EXOC3L4: variants seen among roughly 807,000 people sequenced by gnomAD.
EXOC3L4 encodes the protein exocyst complex component 3 like 4, also known as exocyst complex component 3-like protein 4.
A neutral mutation model predicts 69.7 loss-of-function variants in EXOC3L4; 62 were observed. The ratio of observed to expected loss-of-function variants is 0.89; its 90% confidence interval spans 0.72 to 1.10. The LOEUF is 1.10. EXOC3L4 is among the 50% of genes least tolerant of loss of function. The probability of loss-of-function intolerance (pLI) is 0.00; values close to 1 mark genes in which losing one functional copy is unlikely to be tolerated. For synonymous variants in EXOC3L4, 502 were observed against 464.2 expected, an observed-to-expected ratio of 1.08 and a Z score of -1.05; for missense variants, 1,087 against 1,034.8, an observed-to-expected ratio of 1.05 and a Z score of -0.69.
At chr14:103,107,806 T>A in intron 10 of EXOC3L4, 23 bp downstream of exon 10, 3 of 1,490,588 alleles carry the variant, frequency 2.0e-6, no homozygotes, top group South Asian at 2.6e-5. Context: ...TGACTGCCCT[T>A]CGGTGCTCGC....
chr14:103,106,279 G>C (rs1202587544), intron 7 of EXOC3L4, among the ~76,000 whole-genome samples: 1 of 152,218 alleles, frequency 6.6e-6, no homozygotes, highest in Non-Finnish European at 1.5e-5. Context: ...TCTGTGCCAG[G>C]CTTGTCCTTG....
At position 103,104,007 on chromosome 14, in the gene EXOC3L4, G is replaced by C; in HGVS notation, c.1116G>C (p.Pro372=). The change falls in exon 4 of 12, where the codon CCG becomes CCC. Residue 372 remains proline, a synonymous_variant. Coordinates refer to ENST00000688303, the MANE Select transcript of EXOC3L4 (RefSeq NM_001077594.2). The part of the protein sequence containing the change: ...PAEPLPPLLA[P]DVWARLESDY... ...AGCCGCTGCCTCCGCTCCTGGCGCC[G>C]GACGTGTGGGCCCGACTGGAGAGCG... The C allele has an allele frequency of 1.3e-6, 2 of 1,577,714 alleles. No individual in the cohort carries two copies. Among genetic ancestry groups the C allele is most frequent in the Non-Finnish European group, 1.7e-6 (2 of 1,166,868 alleles).
intron 1 of EXOC3L4, among the ~76,000 whole-genome samples, chr14:103,099,765 TG>T (rs1207269611): frequency 6.7e-6 from 1 of 149,566 alleles, no homozygotes; most frequent in East Asian, 2.0e-4. Context: ...TGGTGGGGGC[TG>T]GGGGGAGGGT....
rs963836923 is a variant in EXOC3L4 at position 103,097,730 on chromosome 14, C to T, written c.-16-2474C>T. Among the ~76,000 whole-genome samples the T allele has an allele frequency of 2.0e-5, 3 of 152,142 alleles. No individual in the cohort carries two copies. Among genetic ancestry groups the T allele is most frequent in the Non-Finnish European group, 4.4e-5 (3 of 68,038 alleles). On this transcript the variant is annotated intron_variant, in intron 1 of 11. Transcript: ENST00000688303. This position sits in a 1 kb window ranked among gnomAD's most constrained non-coding sequence, Gnocchi z 4.9. Reference sequence around the variant, plus strand: ...GCCGGTGGTGCAAGGCATCTGAACCCCGAGGTCCTGAAACCCAAGTCAGGT... The same window carrying T: ...GCCGGTGGTGCAAGGCATCTGAACCTCGAGGTCCTGAAACCCAAGTCAGGT...
chr14:103,107,742 AGCCTGGAT>A lies in EXOC3L4; in HGVS notation c.1817_1824del (p.Leu606ProfsTer26). 1 of 1,545,908 alleles carries A rather than the reference AGCCTGGAT, an allele frequency of 6.5e-7. No homozygotes were observed. The highest frequency in any genetic ancestry group is 8.8e-7 in the Non-Finnish European group (1 of 1,141,924). On this transcript the variant is annotated frameshift_variant, in exon 10 of 12. Transcript: ENST00000688303. LOFTEE classifies it high-confidence loss of function. Reference sequence around the variant, plus strand: ...GCGCATGCATGGCTCCCAGAAGATGAGCCTGGATGCCCAGGCCATCAGCGACACCTTCC... The same window carrying A: ...GCGCATGCATGGCTCCCAGAAGATGAGCCCAGGCCATCAGCGACACCTTCC...
Position 103,097,544 on chromosome 14 carries a change from C to T in EXOC3L4, c.-16-2660C>T, listed in dbSNP as rs1357317620. On this transcript the variant is annotated intron_variant, in intron 1 of 11. Coordinates refer to ENST00000688303, the MANE Select transcript of EXOC3L4 (RefSeq NM_001077594.2). This position sits in a 1 kb window ranked among gnomAD's most constrained non-coding sequence, Gnocchi z 4.9. The stretch of plus-strand genomic sequence containing the variant: ...GCCAGCATGGCAGCAGGCAGGCCAG[C>T]CGGGGGTGGCAGGGCGACCCTGATA... Among the ~76,000 whole-genome samples the T allele has an allele frequency of 1.3e-5, 2 of 152,080 alleles. No homozygotes were observed. The highest frequency in any genetic ancestry group is 4.8e-5 in the African/African-American group (2 of 41,390).
chr14:103,100,110 C>A, intron 1 of EXOC3L4, 94 bp from the exon 2 acceptor site: 1 of 1,347,836 alleles, frequency 7.4e-7, no homozygotes, highest in South Asian at 1.6e-5. Flanking sequence ...CTCTGGAGAG[C>A]CTTCCTTGAC....
chr14:103,106,729 A>G lies in EXOC3L4; in HGVS notation c.1467-56A>G, dbSNP rs1406482038. 30 of 1,134,742 alleles carry G rather than the reference A, an allele frequency of 2.6e-5. 1 individual carries two copies. Among genetic ancestry groups the G allele is most frequent in the Non-Finnish European group, 3.5e-5 (28 of 797,348 alleles). 70.3% of individuals were successfully genotyped at this position (1,134,742 alleles called of 1,614,324 possible). On this transcript the variant is annotated intron_variant, in intron 7 of 11. Coordinates refer to ENST00000688303, the MANE Select transcript of EXOC3L4 (RefSeq NM_001077594.2). Reference sequence around the variant, plus strand: ...TGAGTGGAGCTGTGTGCCCGGCTCTATTCCCCAGCCTGGTCTCCCTTGCCC... The same window carrying G: ...TGAGTGGAGCTGTGTGCCCGGCTCTGTTCCCCAGCCTGGTCTCCCTTGCCC...
intron 9 of EXOC3L4, 41 bp downstream of exon 9, chr14:103,107,584 A>G: frequency 6.2e-7 from 1 of 1,611,104 alleles, no homozygotes; most frequent in Non-Finnish European, 8.5e-7. Context: ...TGTGCCCAGG[A>G]TTGGGGCTGT....
rs189300200 is a variant in EXOC3L4 at position 103,105,458 on chromosome 14, C to T, written c.1466+386C>T. Among the ~76,000 whole-genome samples the T allele has an allele frequency of 1.4e-3, 214 of 151,500 alleles. 1 individual carries two copies. The highest frequency in any genetic ancestry group is 0.01 in the South Asian group (49 of 4,782). ...GTGTGTGTGTGTCAGAGCCTAGATG[C>T]GTGTGTCTTGTGTGTGTGTGTCCAT... On this transcript the variant is annotated intron_variant, in intron 7 of 11. Coordinates refer to ENST00000688303, the MANE Select transcript of EXOC3L4 (RefSeq NM_001077594.2).
In EXOC3L4 at chr14:103,106,803, G is replaced by A. The variant is rs754969944; in HGVS notation, c.1485G>A (p.Arg495=). The change falls in exon 8 of 12, where the codon AGG becomes AGA. Residue 495 remains arginine (R), a synonymous_variant. Coordinates refer to ENST00000688303, the MANE Select transcript of EXOC3L4 (RefSeq NM_001077594.2). ...TCCCCAGGACCAGTCTTCTCTCCAG[G>A]TTCCCAGGAACCCAAGAGGAGCTGG... ...CEELRTSLLS[R]FPGTQEELEK... is the part of the protein sequence containing the mutation. The A allele has an allele frequency of 1.3e-6, 2 of 1,587,936 alleles. No individual in the cohort carries two copies. Among genetic ancestry groups the A allele is most frequent in the Admixed American group, 1.8e-5 (1 of 56,472 alleles).
intron 7 of EXOC3L4, 52 bp from the exon 8 acceptor site, chr14:103,106,733 C>T (rs117509675): frequency 0.031 from 37,174 of 1,201,102 alleles, 718 homozygotes; most frequent in South Asian, 0.065. Flanking sequence ...GGCTCTATTC[C>T]CCAGCCTGGT....
rs1353101670 is a variant in EXOC3L4 at position 103,104,318 on chromosome 14, T to C, written c.1213T>C (p.Trp405Arg). Residue 405 changes from tryptophan (W) to arginine (R), a missense_variant, in exon 5 of 12, where the codon TGG (tryptophan) becomes CGG (arginine). Physicochemically the swap from Trp to Arg is moderately radical, Grantham distance 101. Transcript: ENST00000688303. ...DSILQLEQSH[W>R]AAAEVPEVLQ... ...CATCTTGCAGCTGGAGCAGAGTCACTGGGCGGCCGCCGAGGTCCCCGAGGT... is the reference window on the plus strand; with the variant it reads ...CATCTTGCAGCTGGAGCAGAGTCACCGGGCGGCCGCCGAGGTCCCCGAGGT... 2.5e-6 allele frequency: 4 copies of C among 1,593,970 alleles called. No individual in the cohort carries two copies. Among genetic ancestry groups the C allele is most frequent in the Middle Eastern group, 1.9e-4 (1 of 5,260 alleles).
chr14:103,100,504 A>G lies in EXOC3L4; in HGVS notation c.285A>G (p.Pro95=). 1 of 1,612,996 alleles carries G rather than the reference A, an allele frequency of 6.2e-7. No homozygotes were observed. Among genetic ancestry groups the G allele is most frequent in the Non-Finnish European group, 8.5e-7 (1 of 1,179,836 alleles). Reference sequence around the variant, plus strand: ...TCCGGCAAGCCCTGAATGACGGCCCAGCTACCGGCCATTCCCAGGCCACTC... The same window carrying G: ...TCCGGCAAGCCCTGAATGACGGCCCGGCTACCGGCCATTCCCAGGCCACTC... The part of the protein sequence containing the change: ...RSFRQALNDG[P]ATGHSQATPE... The change falls in exon 2 of 12, where the codon CCA becomes CCG. Residue 95 remains proline, a synonymous_variant. Transcript: ENST00000688303.
At chr14:103,105,174 G>C in intron 7 of EXOC3L4, 102 bp downstream of exon 7, 1 of 1,162,058 alleles carries the variant, frequency 8.6e-7, no homozygotes, top group Non-Finnish European at 1.2e-6. Context: ...GGAGGGGGCA[G>C]AGGTGAGGAG....
intron 7 of EXOC3L4, 76 bp from the exon 8 acceptor site, chr14:103,106,709 G>A (rs569128705): frequency 1.6e-4 from 133 of 852,692 alleles, no homozygotes; most frequent in Non-Finnish European, 2.3e-4. Flanking sequence ...CTAAGTGAGT[G>A]GAGCTGTGTG....
At chr14:103,102,020 A>G in intron 2 of EXOC3L4, 98 bp from the exon 3 acceptor site, 1 of 1,312,258 alleles carries the variant, frequency 7.6e-7, no homozygotes, top group Non-Finnish European at 1.0e-6. Flanking sequence ...AGGACAGACA[A>G]TCCAGCCCCG....
In EXOC3L4 at chr14:103,102,379, G is replaced by T; in HGVS notation, c.656G>T (p.Ser219Ile). 1 of 1,559,472 alleles carries T rather than the reference G, an allele frequency of 6.4e-7. No homozygotes were observed. The highest frequency in any genetic ancestry group is 2.4e-5 in the East Asian group (1 of 42,048). The change falls in exon 3 of 12, where the codon AGC becomes ATC. Residue 219 changes from serine to isoleucine, a missense_variant. Transcript: ENST00000688303. ...AALAELARVV[S>I]AEEEAHPSPP... ...CTGGCCGAGCTGGCCCGCGTGGTGA[G>T]CGCGGAGGAGGAAGCCCACCCTTCT... is the stretch of plus-strand genomic sequence containing the variant.
At chr14:103,104,171 G>A in intron 4 of EXOC3L4, 96 bp from the exon 5 acceptor site, 1 of 1,446,300 alleles carries the variant, frequency 6.9e-7, no homozygotes, top group Non-Finnish European at 9.1e-7. Flanking sequence ...GTGGCCCCCG[G>A]CGCGGGCTTG....
Sources: allele counts gnomAD v4.1 joint callset (sites outside exome capture counted in the v4.1 genomes callset), GRCh38; gene constraint gnomAD v4.1.1; non-coding constraint Gnocchi (gnomAD v3.1); transcripts MANE v1.5; gene names NCBI Gene and HGNC (gene_info 2026-07-23, HGNC 2026-07-21).